Variants in AP1M2 observed in about 807,000 individuals in gnomAD.
AP1M2 encodes the protein adaptor related protein complex 1 subunit mu 2.
Under a neutral mutation model 54.6 loss-of-function variants are expected in AP1M2, and 41 were observed. That is an observed-to-expected ratio of 0.75 (90% CI 0.59 to 0.97). AP1M2 has a LOEUF of 0.97. Among genes scored for constraint, AP1M2 ranks in the 50% least tolerant of loss-of-function variants. The probability of loss-of-function intolerance (pLI) is 0.00; values close to 1 mark genes in which losing one functional copy is unlikely to be tolerated. For synonymous variants in AP1M2, 219 were observed against 215.9 expected (o/e 1.01, Z -0.13); for missense variants, 507 against 561.2 (o/e 0.90, Z 0.98).
At position 10,575,759 on chromosome 19, in the gene AP1M2, CTTTTTTTTTCT is replaced by C. The variant is rs1280554208; in HGVS notation, c.1048-741_1048-731del. The stretch of plus-strand genomic sequence containing the variant: ...TTGTATTTCTTTTTTCTTTTTTTTT[CTTTTTTTTTCT>C]TTTTTTTTTTTTTTGAGATGGAGTC... On this transcript the variant is annotated intron_variant, in intron 9 of 11. Coordinates refer to ENST00000250244, the MANE Select transcript of AP1M2 (RefSeq NM_005498.5). Among the ~76,000 whole-genome samples the C allele has an allele frequency of 7.3e-3, 905 of 124,194 alleles. 7 individuals are homozygous for C. The highest frequency in any genetic ancestry group is 0.018 in the African/African-American group (559 of 31,934). The allele number at this position is 124,194 out of a possible 152,430, so 81.5% of individuals were successfully genotyped here.
intron 4 of AP1M2, 25 bp downstream of exon 4, chr19:10,581,723 T>C (rs774562057): frequency 6.2e-7 from 1 of 1,612,404 alleles, no homozygotes; most frequent in East Asian, 2.2e-5. Flanking sequence ...GTCCAGCCCA[T>C]GGCTGCCTCC....
Position 10,574,398 on chromosome 19 carries a change from A to G in AP1M2, c.1249+19T>C, listed in dbSNP as rs1453154537. On this transcript the variant is annotated intron_variant, in intron 11 of 11. Coordinates refer to ENST00000250244, the MANE Select transcript of AP1M2 (RefSeq NM_005498.5). ...GCCTTTCCCTCACCCCATTGTCCCCAGGAGCTGGGCTGCCTTACCGCCACT... is the reference window on the plus strand; with the variant it reads ...GCCTTTCCCTCACCCCATTGTCCCCGGGAGCTGGGCTGCCTTACCGCCACT... The G allele has an allele frequency of 2.6e-6, 4 of 1,540,860 alleles. No individual in the cohort carries two copies. Among genetic ancestry groups the G allele is most frequent in the African/African-American group, 1.4e-5 (1 of 72,734 alleles).
At chr19:10,579,015 C>CTTTTTTTTTTTTTTTTTTTTTTTTTT in intron 7 of AP1M2, 52 bp from the exon 8 acceptor site, 1 of 742,754 alleles carries the variant, frequency 1.3e-6, no homozygotes. Context: ...TGACTCTCTT[C>CTTTTTTTTTTTTTTTTTTTTTTTTTT]TTTTTTTTTT....
At chr19:10,584,198 G>T in intron 1 of AP1M2, 128 bp from the exon 2 acceptor site, 1 of 1,205,116 alleles carries the variant, frequency 8.3e-7, no homozygotes, top group Non-Finnish European at 1.1e-6. Flanking sequence ...GCCTCCTTGT[G>T]CCTGTTTCCT....
intron 8 of AP1M2, among the ~76,000 whole-genome samples, chr19:10,577,657 G>C (rs966320126): frequency 6.7e-6 from 1 of 149,892 alleles, no homozygotes; most frequent in Non-Finnish European, 1.5e-5. Context: ...GGATGTTCTC[G>C]ATCTCCTGAC....
chr19:10,584,841 A>G (rs994037620), intron 1 of AP1M2: 2 of 151,954 alleles, frequency 1.3e-5, no homozygotes, highest in African/African-American at 4.8e-5. Flanking sequence ...CTGGGGATTG[A>G]TCTAAGGCAT....
chr19:10,582,042 T>C (rs1269230670), intron 3 of AP1M2, among the ~76,000 whole-genome samples, 164 bp from the exon 4 acceptor site: 1 of 151,666 alleles, frequency 6.6e-6, no homozygotes, highest in Non-Finnish European at 1.5e-5. Context: ...TATCTCGTTT[T>C]TTCTTTTTTC....
intron 1 of AP1M2, 144 bp from the exon 2 acceptor site, chr19:10,584,214 G>A: frequency 9.3e-7 from 1 of 1,078,586 alleles, no homozygotes; most frequent in Non-Finnish European, 1.3e-6. Context: ...TTCCTGCTCT[G>A]TAAAATGGGA....
intron 10 of AP1M2, 60 bp from the exon 11 acceptor site, chr19:10,574,552 G>A: frequency 2.8e-6 from 4 of 1,432,452 alleles, no homozygotes. Context: ...CAGGGCCAGG[G>A]AGAAAGAGAC....
In AP1M2 at chr19:10,573,052, A is replaced by C; in HGVS notation, c.*14T>G. 2 of 1,562,818 alleles carry C rather than the reference A, an allele frequency of 1.3e-6. No homozygotes were observed. On this transcript the variant is annotated 3_prime_UTR_variant, in exon 12 of 12. Transcript: ENST00000250244. The stretch of plus-strand genomic sequence containing the variant: ...AAGGAAGCCCCGTGTTCAAGCCCCC[A>C]TCTCTTCTCCCTTCTAGCTGGTACG...
intron 7 of AP1M2, 92 bp from the exon 8 acceptor site, chr19:10,579,055 C>T: frequency 2.0e-6 from 2 of 987,030 alleles, no homozygotes; most frequent in Non-Finnish European, 2.9e-6. Context: ...GACAGAGTCT[C>T]GCTTCTTCGC....
chr19:10,574,980 T>C lies in AP1M2; in HGVS notation c.1097A>G (p.Glu366Gly), dbSNP rs1917181522. 2 of 1,574,104 alleles carry C rather than the reference T, an allele frequency of 1.3e-6. No individual in the cohort carries two copies. The highest frequency in any genetic ancestry group is 8.6e-7 in the Non-Finnish European group (1 of 1,158,344). The part of the protein sequence containing the change: ...MRAHFGLPSV[E>G]KEEVEGRPPI... ...GGGCCGGCCCTCCACCTCTTCCTTT[T>C]CCACACTGGGGAGGCCAAAGTGGGC... is the stretch of plus-strand genomic sequence containing the variant. Residue 366 changes from glutamate to glycine, a missense_variant, in exon 10 of 12, where the codon GAA becomes GGA. Glu to Gly is a moderately conservative substitution (Grantham distance 98, BLOSUM62 -2). Coordinates refer to ENST00000250244, the MANE Select transcript of AP1M2 (RefSeq NM_005498.5).
intron 1 of AP1M2, among the ~76,000 whole-genome samples, chr19:10,585,918 GGACCAGGAGTTCAA>G (rs1453326978): frequency 6.6e-6 from 1 of 151,828 alleles, no homozygotes; most frequent in Non-Finnish European, 1.5e-5. Flanking sequence ...GGATAGCTGG[GGACCAGGAGTTCAA>G]GACCATCCTG....
intron 11 of AP1M2, 69 bp from the exon 12 acceptor site, chr19:10,573,157 G>A (rs1917113914): frequency 4.2e-6 from 6 of 1,427,186 alleles, no homozygotes; most frequent in Middle Eastern, 1.7e-4. Flanking sequence ...GGTGACTCAC[G>A]CTTATAATCC....
chr19:10,581,540 T>C lies in AP1M2; in HGVS notation c.493A>G (p.Lys165Glu). 1.2e-6 allele frequency: 2 copies of C among 1,613,846 alleles called. No individual in the cohort carries two copies. Among genetic ancestry groups the C allele is most frequent in the South Asian group, 1.1e-5 (1 of 91,074 alleles). The change falls in exon 5 of 12, where the codon AAG (lysine) becomes GAG (glutamate). Residue 165 changes from lysine to glutamate, a missense_variant. By Grantham distance (56) the Lys-to-Glu change is moderately conservative. Coordinates refer to ENST00000250244, the MANE Select transcript of AP1M2 (RefSeq NM_005498.5). ...NAVSWRSEGIKYKKNEVFIDV... is the reference protein window; with the variant it reads ...NAVSWRSEGIEYKKNEVFIDV... ...ATGAAGACCTCGTTCTTCTTATACT[T>C]GATACCCTCGGAGCGCCAGGACACA...
At chr19:10,575,769 CTT>C (rs71162097) in intron 9 of AP1M2, among the ~76,000 whole-genome samples, 42 of 93,556 alleles carry the variant, frequency 4.5e-4, no homozygotes, top group African/African-American at 7.0e-4. Context: ...CTTTTTTTTT[CTT>C]TTTTTTTTTT....
At chr19:10,585,305 AAGAAAGAAAGAAAGAAAGAAAGAAAG>A (rs1568434798) in intron 1 of AP1M2, among the ~76,000 whole-genome samples, 1 of 146,200 alleles carries the variant, frequency 6.8e-6, no homozygotes, top group African/African-American at 2.5e-5. Flanking sequence ...GAAAGAAAGA[AAGAAAGAAAGAAAGAAAGAAAGAAAG>A]AAAGAAAGAA....
rs377172917 is a variant in AP1M2 at position 10,579,874 on chromosome 19, G to A, written c.674-16C>T. The A allele has an allele frequency of 3.8e-6, 6 of 1,579,958 alleles. No homozygotes were observed. Among genetic ancestry groups the A allele is most frequent in the Non-Finnish European group, 5.2e-6 (6 of 1,159,260 alleles). ...TTCTTGCTGCCTGAAACTCAGAGTG[G>A]AGAGTGGAGAGTGACCCTGGGAACC... is the stretch of plus-strand genomic sequence containing the variant. On this transcript the variant is annotated splice_polypyrimidine_tract_variant and intron_variant, in intron 6 of 11. Coordinates refer to ENST00000250244, the MANE Select transcript of AP1M2 (RefSeq NM_005498.5).
intron 8 of AP1M2, among the ~76,000 whole-genome samples, chr19:10,578,046 AT>A (rs1037634928): frequency 3.0e-4 from 46 of 152,248 alleles, no homozygotes; most frequent in African/African-American, 1.1e-3. Context: ...TGAAGGGGTC[AT>A]TTTGAATCAG....
Sources: gnomAD v4.1 joint callset for allele counts (sites outside exome capture counted in the v4.1 genomes callset) on GRCh38, gnomAD v4.1.1 for gene constraint, MANE v1.5 for transcripts, NCBI Gene and HGNC (gene_info 2026-07-23, HGNC 2026-07-21) for gene names.